CADPS2: variants seen among roughly 807,000 people sequenced by gnomAD.
CADPS2 encodes the protein calcium dependent secretion activator 2.
In CADPS2, 93 loss-of-function variants were observed where a neutral mutation model predicts 172.5. The ratio of observed to expected loss-of-function variants is 0.54; its 90% CI spans 0.46 to 0.64. The LOEUF is 0.64. Among genes scored for constraint, CADPS2 ranks in the 30% least tolerant of loss-of-function variants. The pLI is 0.00. For missense variants in CADPS2, 1,420 were observed against 1,565.9 expected, an observed-to-expected ratio of 0.91 and a Z score of 1.57; for synonymous variants, 546 against 555.2, an observed-to-expected ratio of 0.98 and a Z score of 0.23.
At chr7:122,516,689 G>A (rs2060404298) in intron 8 of CADPS2, among the ~76,000 whole-genome samples, 1 of 152,002 alleles carries the variant, frequency 6.6e-6, no homozygotes, top group Admixed American at 6.6e-5. Flanking sequence ...CTAATGATAT[G>A]GGAAAATTCT....
At chr7:122,544,650 T>C (rs1003263010) in intron 8 of CADPS2, among the ~76,000 whole-genome samples, 3 of 152,132 alleles carry the variant, frequency 2.0e-5, no homozygotes, top group Non-Finnish European at 4.4e-5. Flanking sequence ...CTAGCCCATG[T>C]GTGTCCTCAT....
At chr7:122,855,391 G>A (rs370629007) in intron 1 of CADPS2, among the ~76,000 whole-genome samples, 1 of 152,260 alleles carries the variant, frequency 6.6e-6, no homozygotes, top group South Asian at 2.1e-4. Context: ...TGTGGTTATT[G>A]TCATACTTCT....
intron 6 of CADPS2, among the ~76,000 whole-genome samples, chr7:122,597,762 A>G (rs1386042981): frequency 6.6e-6 from 1 of 152,162 alleles, no homozygotes; most frequent in Non-Finnish European, 1.5e-5. Flanking sequence ...TAAGCTAACC[A>G]ATCAAGTAAC....
intron 28 of CADPS2, among the ~76,000 whole-genome samples, chr7:122,341,089 T>C (rs528687488): frequency 8.5e-5 from 13 of 152,326 alleles, no homozygotes; most frequent in African/African-American, 3.1e-4. Context: ...TAAAACATCC[T>C]GGTCAGCTGG....
At chr7:122,707,254 C>T (rs907228006) in intron 2 of CADPS2, among the ~76,000 whole-genome samples, 4 of 151,856 alleles carry the variant, frequency 2.6e-5, no homozygotes, top group East Asian at 3.9e-4. Flanking sequence ...TTAAGGAGGG[C>T]ATCATCTAGG....
chr7:122,447,885 C>T (rs1372226328), intron 15 of CADPS2, among the ~76,000 whole-genome samples: 1 of 151,870 alleles, frequency 6.6e-6, no homozygotes, highest in Non-Finnish European at 1.5e-5. Context: ...CTTTGTTTCC[C>T]CCTGGTTTTG....
chr7:122,608,125 A>G (rs980005458), intron 6 of CADPS2, among the ~76,000 whole-genome samples: 1 of 151,894 alleles, frequency 6.6e-6, no homozygotes. Flanking sequence ...GCTGAGGCAG[A>G]GAATTGCTTG....
chr7:122,651,658 A>C (rs967919789), intron 3 of CADPS2, among the ~76,000 whole-genome samples: 2 of 152,162 alleles, frequency 1.3e-5, no homozygotes, highest in Non-Finnish European at 2.9e-5. Flanking sequence ...ATAAGTGAAC[A>C]AGATCTCAGT....
intron 1 of CADPS2, among the ~76,000 whole-genome samples, chr7:122,831,941 G>A (rs1225701447): frequency 1.3e-5 from 2 of 152,150 alleles, no homozygotes; most frequent in African/African-American, 4.8e-5. Context: ...AGAGAAGAGT[G>A]GATGCTGTCA....
chr7:122,506,059 T>A (rs1306992286), intron 9 of CADPS2, among the ~76,000 whole-genome samples: 1 of 152,160 alleles, frequency 6.6e-6, no homozygotes, highest in African/African-American at 2.4e-5. Flanking sequence ...TAAAATATGC[T>A]GCTGAAAGAT....
At chr7:122,435,009 T>C (rs1319784156) in intron 17 of CADPS2, among the ~76,000 whole-genome samples, 1 of 152,204 alleles carries the variant, frequency 6.6e-6, no homozygotes, top group Non-Finnish European at 1.5e-5. Flanking sequence ...TTGCTTTAAA[T>C]TTGTATCAAA....
chr7:122,519,946 A>AT (rs1374668309), intron 8 of CADPS2, among the ~76,000 whole-genome samples: 1 of 151,974 alleles, frequency 6.6e-6, no homozygotes. Flanking sequence ...AAAATCTTCT[A>AT]TATCTGTAGT....
intron 3 of CADPS2, among the ~76,000 whole-genome samples, chr7:122,648,228 G>C (rs957166488): frequency 3.3e-5 from 5 of 151,842 alleles, no homozygotes; most frequent in Admixed American, 3.3e-4. Context: ...CTAAATCCTT[G>C]TGTCCACAGA....
At position 122,384,604 on chromosome 7, in the gene CADPS2, C is replaced by A. The variant is rs117251349; in HGVS notation, c.3312+2422G>T. Among the ~76,000 whole-genome samples, 589 of 152,122 alleles carry A rather than the reference C, an allele frequency of 3.9e-3. 2 individuals carry two copies. The highest frequency in any genetic ancestry group is 6.8e-3 in the Middle Eastern group (2 of 294). On this transcript the variant is annotated intron_variant, in intron 24 of 29. Coordinates refer to ENST00000449022, the MANE Select transcript of CADPS2 (RefSeq NM_017954.11). ...GAGAGAAAAAGCGAAGTATAAAATT[C>A]TTTTGCAATGAAATTCTTGTTTACC...
chr7:122,686,269 T>G (rs1423652323), intron 2 of CADPS2, among the ~76,000 whole-genome samples: 1 of 152,208 alleles, frequency 6.6e-6, no homozygotes, highest in East Asian at 1.9e-4. Context: ...AAACCAGTAC[T>G]GGGAGAGGAA....
At chr7:122,715,552 CAG>C (rs1184669277) in intron 2 of CADPS2, among the ~76,000 whole-genome samples, 2 of 152,110 alleles carry the variant, frequency 1.3e-5, no homozygotes, top group Non-Finnish European at 2.9e-5. Context: ...ACTGTCCAAA[CAG>C]AGGTCATTCT....
intron 27 of CADPS2, among the ~76,000 whole-genome samples, chr7:122,355,474 C>T (rs1051247409): frequency 1.3e-4 from 20 of 151,718 alleles, no homozygotes; most frequent in African/African-American, 3.9e-4. Context: ...CCGGCTACTT[C>T]GGAAGCTGAG....
At chr7:122,835,459 G>C (rs1808078405) in intron 1 of CADPS2, among the ~76,000 whole-genome samples, 2 of 152,236 alleles carry the variant, frequency 1.3e-5, no homozygotes, top group Admixed American at 6.5e-5. Context: ...GTTGAGAGAA[G>C]AAGGCTTCAG....
intron 1 of CADPS2, among the ~76,000 whole-genome samples, 165 bp downstream of exon 1, chr7:122,885,834 G>A (rs186264985): frequency 1.3e-5 from 2 of 152,276 alleles, no homozygotes; most frequent in Non-Finnish European, 1.5e-5. Flanking sequence ...CGCATACCCG[G>A]CGGGTGAAAG....
Sources: allele counts gnomAD v4.1 joint callset (sites outside exome capture counted in the v4.1 genomes callset), GRCh38; gene constraint gnomAD v4.1.1; transcripts MANE v1.5; gene names NCBI Gene and HGNC (gene_info 2026-07-23, HGNC 2026-07-21).